Variants in MORC1 observed in about 807,000 individuals in gnomAD.
MORC1 encodes MORC family CW-type zinc finger 1.
MORC1 carries 59 observed loss-of-function variants against 134.9 expected under a neutral mutation model. The observed-to-expected ratio is 0.44, with a 90% confidence interval of 0.35 to 0.54. The LOEUF (loss-of-function observed/expected upper bound fraction) is 0.54. Among genes scored for constraint, MORC1 ranks in the 20% least tolerant of loss-of-function variants. The pLI is 0.00. For missense variants in MORC1, 947 were observed against 1,134.5 expected, an observed-to-expected ratio of 0.83 and a Z score of 2.37; for synonymous variants, 395 against 391.7, an observed-to-expected ratio of 1.01 and a Z score of -0.10.
intron 11 of MORC1, among the ~76,000 whole-genome samples, chr3:109,061,701 T>C (rs1298569109): frequency 2.0e-5 from 3 of 152,162 alleles, no homozygotes; most frequent in African/African-American, 7.2e-5. Flanking sequence ...GTTACTTTCC[T>C]TTCCATTTTA....
intron 2 of MORC1, among the ~76,000 whole-genome samples, chr3:109,112,953 A>G (rs1951200006): frequency 6.6e-6 from 1 of 152,182 alleles, no homozygotes; most frequent in African/African-American, 2.4e-5. Flanking sequence ...TCTACTACAT[A>G]AAATGTTTCT....
chr3:109,011,405 C>T (rs914011224), intron 17 of MORC1, among the ~76,000 whole-genome samples: 2 of 152,056 alleles, frequency 1.3e-5, no homozygotes, highest in Admixed American at 6.6e-5. Flanking sequence ...TAATGATTAA[C>T]GAAATTGACT....
At chr3:109,048,796 G>A (rs1272822959) in intron 14 of MORC1, among the ~76,000 whole-genome samples, 1 of 151,850 alleles carries the variant, frequency 6.6e-6, no homozygotes, top group Non-Finnish European at 1.5e-5. Context: ...CTTCTTATGA[G>A]GACACTAGTC....
rs537702821 is a variant in MORC1, at chr3:109,096,882, A to G, written c.424-1814T>C. On this transcript the variant is annotated intron_variant, in intron 6 of 27. Transcript: ENST00000232603. ...ATATTAGAACAACTCCCAGAAAATA[A>G]AGCAAAAATATAAAACTCAGAAAAC... Among the ~76,000 whole-genome samples, 4 of 152,330 alleles carry G rather than the reference A, an allele frequency of 2.6e-5. No homozygotes were observed. The East Asian group carries it at 7.7e-4, about 29-fold the overall frequency.
chr3:109,103,737 T>A (rs1950971685), intron 4 of MORC1, 112 bp downstream of exon 4: 1 of 938,750 alleles, frequency 1.1e-6, no homozygotes, highest in Non-Finnish European at 1.6e-6. Flanking sequence ...GGGGCTTACT[T>A]TCTTTAATAG....
chr3:108,991,391 G>C (rs1948057083), intron 21 of MORC1, among the ~76,000 whole-genome samples: 2 of 152,180 alleles, frequency 1.3e-5, no homozygotes, highest in Admixed American at 1.3e-4. Context: ...TGCCTGATGG[G>C]TTGAGTGCAG....
chr3:109,106,916 T>C (rs1951053721), intron 3 of MORC1, among the ~76,000 whole-genome samples: 1 of 152,092 alleles, frequency 6.6e-6, no homozygotes, highest in South Asian at 2.1e-4. Flanking sequence ...CAGGATAAAA[T>C]CCAACCACCT....
chr3:109,059,415 G>A (rs969060046), intron 12 of MORC1, among the ~76,000 whole-genome samples: 1 of 152,024 alleles, frequency 6.6e-6, no homozygotes, highest in African/African-American at 2.4e-5. Flanking sequence ...CTAGACAAAG[G>A]GAAGAAACTG....
chr3:108,964,540 C>A (rs1947165200), intron 26 of MORC1, among the ~76,000 whole-genome samples: 1 of 152,162 alleles, frequency 6.6e-6, no homozygotes, highest in Admixed American at 6.5e-5. Flanking sequence ...TCTCCTTTAG[C>A]ATTCGCTGAC....
At chr3:108,968,090 C>T (rs961100318) in intron 26 of MORC1, among the ~76,000 whole-genome samples, 29 of 152,134 alleles carry the variant, frequency 1.9e-4, no homozygotes, top group African/African-American at 6.0e-4. Context: ...ATCAATCAAT[C>T]CCAGTTTTAC....
At chr3:108,982,767 G>A (rs1279607952) in intron 23 of MORC1, among the ~76,000 whole-genome samples, 5 of 144,348 alleles carry the variant, frequency 3.5e-5, no homozygotes, top group East Asian at 4.0e-4. Flanking sequence ...AGAAAGAAAC[G>A]ATCACCCAGA....
intron 1 of MORC1, among the ~76,000 whole-genome samples, chr3:109,115,675 C>G (rs1292167242): frequency 6.6e-6 from 1 of 152,136 alleles, no homozygotes. Context: ...GTAATTCTGA[C>G]CAAAAATGTC....
intron 9 of MORC1, among the ~76,000 whole-genome samples, chr3:109,067,494 T>C (rs2107700605): frequency 6.6e-6 from 1 of 152,238 alleles, no homozygotes; most frequent in South Asian, 2.1e-4. Flanking sequence ...ATATAAGTAA[T>C]TTAGGTAGAT....
At chr3:109,054,674 C>G in intron 14 of MORC1, 54 bp downstream of exon 14, 1 of 1,366,162 alleles carries the variant, frequency 7.3e-7, no homozygotes, top group South Asian at 1.9e-5. Context: ...TTAAAGAAAT[C>G]ACAGAAAGTA....
intron 9 of MORC1, among the ~76,000 whole-genome samples, chr3:109,068,431 C>A (rs796582625): frequency 3.9e-5 from 6 of 152,348 alleles, no homozygotes; most frequent in African/African-American, 1.4e-4. Flanking sequence ...TAGCTTAGCT[C>A]CCACATATCA....
At chr3:109,081,674 C>T (rs577144624) in intron 8 of MORC1, among the ~76,000 whole-genome samples, 5 of 152,182 alleles carry the variant, frequency 3.3e-5, no homozygotes, top group African/African-American at 1.2e-4. Flanking sequence ...AGGCTGGTCT[C>T]GAACTCCTGA....
chr3:109,011,894 AG>A (rs1337301623), intron 17 of MORC1, among the ~76,000 whole-genome samples: 2 of 152,184 alleles, frequency 1.3e-5, no homozygotes, highest in African/African-American at 4.8e-5. Flanking sequence ...ATTTTCTCCC[AG>A]TCTGTAGCTT....
chr3:109,099,139 G>A lies in MORC1; in HGVS notation c.423+219C>T, dbSNP rs142537835. On this transcript the variant is annotated intron_variant, in intron 6 of 27. Coordinates refer to ENST00000232603, the MANE Select transcript of MORC1 (RefSeq NM_014429.4). ...GGGAGCCTCTTACTTTGGGAGATTT[G>A]AGCACATGGATAATGAAAATGAAGT... Among the ~76,000 whole-genome samples the A allele has an allele frequency of 6.2e-3, 951 of 152,280 alleles. 13 individuals carry two copies. Among genetic ancestry groups the A allele is most frequent in the African/African-American group, 0.022 (920 of 41,554 alleles).
At chr3:109,037,954 ACCCAGTAATGGGATTG>A (rs1315535766) in intron 14 of MORC1, among the ~76,000 whole-genome samples, 1 of 152,192 alleles carries the variant, frequency 6.6e-6, no homozygotes, top group Non-Finnish European at 1.5e-5. Flanking sequence ...TTGGGTATAT[ACCCAGTAATGGGATTG>A]CTGGGTCAAA....
Sources: allele counts gnomAD v4.1 joint callset (sites outside exome capture counted in the v4.1 genomes callset), GRCh38; gene constraint gnomAD v4.1.1; transcripts MANE v1.5; gene names NCBI Gene and HGNC (gene_info 2026-07-23, HGNC 2026-07-21).